Variants in DEK observed in about 807,000 individuals in gnomAD.
DEK encodes DEK proto-oncogene.
DEK carries 28 observed loss-of-function variants against 46.8 expected under a neutral mutation model. The ratio of observed to expected loss-of-function variants is 0.60; its 90% CI spans 0.44 to 0.82. The LOEUF (loss-of-function observed/expected upper bound fraction) is 0.82. Ranked by LOEUF, DEK falls within the 40% of genes least tolerant of loss-of-function variation. The pLI is 0.00. For missense variants in DEK, 416 were observed against 430.6 expected (o/e 0.97, Z 0.30); for synonymous variants, 160 against 144.5 (o/e 1.11, Z -0.77).
chr6:18,228,354 T>C (rs913347861), intron 9 of DEK, among the ~76,000 whole-genome samples: 8 of 152,068 alleles, frequency 5.3e-5, no homozygotes, highest in African/African-American at 1.7e-4. Context: ...CTCTAAAATA[T>C]AGTTCATCAT....
At chr6:18,253,130 C>T (rs1203270801) in intron 6 of DEK, among the ~76,000 whole-genome samples, 1 of 149,752 alleles carries the variant, frequency 6.7e-6, no homozygotes, top group African/African-American at 2.5e-5. Context: ...GAGACAGTCT[C>T]GCTCTGTCGC....
chr6:18,242,439 T>G (rs1168027133), intron 7 of DEK, among the ~76,000 whole-genome samples: 2 of 152,250 alleles, frequency 1.3e-5, no homozygotes, highest in African/African-American at 4.8e-5. Flanking sequence ...AACTACCTGT[T>G]GTCAACCATA....
chr6:18,235,620 G>C (rs1790610525), intron 9 of DEK, among the ~76,000 whole-genome samples: 1 of 152,140 alleles, frequency 6.6e-6, no homozygotes, highest in Non-Finnish European at 1.5e-5. Flanking sequence ...TGAAAGCTAA[G>C]TAATGGCTTC....
chr6:18,239,712 G>C (rs1396948332), intron 7 of DEK, among the ~76,000 whole-genome samples: 11 of 152,076 alleles, frequency 7.2e-5, no homozygotes, highest in Admixed American at 7.2e-4. Flanking sequence ...CTAATCCTAA[G>C]AGATGTTCTA....
rs1791689995 is a variant in DEK at position 18,258,291 on chromosome 6, A to G, written c.247+13T>C. The G allele has an allele frequency of 6.3e-7, 1 of 1,595,338 alleles. No homozygotes were observed. Among genetic ancestry groups the G allele is most frequent in the Admixed American group, 1.8e-5 (1 of 56,742 alleles). ...TTTCACCACAAAATGAAAGGAAGCT[A>G]GAATAAACTTACCTTGTGCAATTGT... On this transcript the variant is annotated intron_variant, in intron 3 of 10. Coordinates refer to ENST00000652689, the MANE Select transcript of DEK (RefSeq NM_003472.4).
At position 18,263,916 on chromosome 6, in the gene DEK, T is replaced by A. The variant is rs775930742; in HGVS notation, c.72A>T (p.Glu24Asp). ...PTQPASEKEP[E>D]MPGPREESEE... ...CGCTCTCCTCTCTGGGACCGGGCAT[T>A]TCGGGTTCTTTCTCGGACGCGGGCT... The change falls in exon 2 of 11, where the codon GAA becomes GAT. Residue 24 changes from glutamate (E) to aspartate (D), a missense_variant. By Grantham distance (45) the Glu-to-Asp change is conservative. Transcript: ENST00000652689. The A allele has an allele frequency of 1.1e-5, 18 of 1,611,928 alleles. No homozygotes were observed. The highest frequency in any genetic ancestry group is 1.7e-5 in the Admixed American group (1 of 59,726).
intron 1 of DEK, 145 bp downstream of exon 1, chr6:18,264,238 CGG>C: frequency 3.5e-6 from 1 of 286,818 alleles, no homozygotes; most frequent in Non-Finnish European, 6.4e-6. Flanking sequence ...CGCGCCCGCC[CGG>C]CCTGCGCTGT....
chr6:18,262,200 C>T (rs1370788020), intron 2 of DEK, among the ~76,000 whole-genome samples: 2 of 151,848 alleles, frequency 1.3e-5, no homozygotes, highest in African/African-American at 4.8e-5. Context: ...CAAATACTGG[C>T]GCCATGCTTC....
At chr6:18,237,929 C>T (rs758273042) in intron 7 of DEK, among the ~76,000 whole-genome samples, 6 of 148,648 alleles carry the variant, frequency 4.0e-5, no homozygotes, top group Middle Eastern at 3.5e-3. Flanking sequence ...TGCAGTGGCC[C>T]GATCTTGGTT....
At chr6:18,230,068 A>G (rs564096122) in intron 9 of DEK, among the ~76,000 whole-genome samples, 155 of 152,362 alleles carry the variant, frequency 1.0e-3, no homozygotes, top group Non-Finnish European at 1.4e-3. Context: ...AGTGAGGGCC[A>G]ATATTCGACA....
intron 7 of DEK, 60 bp downstream of exon 7, chr6:18,249,591 A>T: frequency 6.9e-7 from 1 of 1,450,958 alleles, no homozygotes; most frequent in Non-Finnish European, 9.1e-7. Context: ...ACCTTATAGC[A>T]GAAATATTTA....
At position 18,263,877 on chromosome 6, in the gene DEK, GTCCTCT is replaced by G; in HGVS notation, c.105_110del (p.Glu35_Glu36del). ...CCTCCTCCTCCTCCTCGTCGTCCTC[GTCCTCT>G]TCCTCCTCGCTCTCCTCTCTGGGAC... On this transcript the variant is annotated inframe_deletion, in exon 2 of 11. Transcript: ENST00000652689. The G allele has an allele frequency of 6.2e-7, 1 of 1,612,042 alleles. No individual in the cohort carries two copies. The highest frequency in any genetic ancestry group is 8.5e-7 in the Non-Finnish European group (1 of 1,179,040).
At chr6:18,238,649 A>T (rs1790768662) in intron 7 of DEK, among the ~76,000 whole-genome samples, 1 of 150,622 alleles carries the variant, frequency 6.6e-6, no homozygotes, top group South Asian at 2.1e-4. Flanking sequence ...GTGAGTGGAG[A>T]TCATGACACT....
chr6:18,237,619 C>CA, intron 7 of DEK, 103 bp from the exon 8 acceptor site: 2 of 1,389,018 alleles, frequency 1.4e-6, no homozygotes, highest in South Asian at 1.6e-5. Flanking sequence ...TAGAGAAAAC[C>CA]AATATATTTG....
At chr6:18,235,100 G>T (rs1204078778) in intron 9 of DEK, among the ~76,000 whole-genome samples, 1 of 152,088 alleles carries the variant, frequency 6.6e-6, no homozygotes, top group Non-Finnish European at 1.5e-5. Context: ...ATATAACTGG[G>T]TGTCCTGCCT....
At chr6:18,254,895 G>A (rs1362400221) in intron 6 of DEK, among the ~76,000 whole-genome samples, 5 of 152,072 alleles carry the variant, frequency 3.3e-5, no homozygotes, top group South Asian at 2.1e-4. Flanking sequence ...ATCTGTCCTC[G>A]TGCAGCTAAT....
At chr6:18,244,549 A>G (rs1439463639) in intron 7 of DEK, 1 of 1,288,554 alleles carries the variant, frequency 7.8e-7, no homozygotes, top group Non-Finnish European at 1.0e-6. Flanking sequence ...GAGGGTCTCC[A>G]AAAAAGACGC....
intron 6 of DEK, 54 bp downstream of exon 6, chr6:18,255,677 T>C (rs1791566064): frequency 1.9e-6 from 3 of 1,556,890 alleles, no homozygotes; most frequent in Non-Finnish European, 2.6e-6. Context: ...TTTTGTTTCA[T>C]ATAAAGAGGC....
At chr6:18,230,245 GA>G (rs1790350349) in intron 9 of DEK, among the ~76,000 whole-genome samples, 1 of 151,896 alleles carries the variant, frequency 6.6e-6, no homozygotes, top group Non-Finnish European at 1.5e-5. Context: ...ACATGGAAAG[GA>G]ACAACCGGTA....
Sources: allele counts gnomAD v4.1 joint callset (sites outside exome capture counted in the v4.1 genomes callset), GRCh38; gene constraint gnomAD v4.1.1; transcripts MANE v1.5; gene names NCBI Gene and HGNC (gene_info 2026-07-23, HGNC 2026-07-21).